Variants in ARNT observed in about 807,000 individuals in gnomAD.
ARNT encodes the protein aryl hydrocarbon receptor nuclear translocator.
A neutral mutation model predicts 105.0 loss-of-function variants in ARNT; 30 were observed. The observed-to-expected ratio is 0.29, with a 90% CI of 0.21 to 0.39. The LOEUF is 0.39. Among genes scored for constraint, ARNT ranks in the 10% least tolerant of loss-of-function variants. ARNT has a pLI of 1.00. For missense variants in ARNT, 748 were observed against 978.7 expected (o/e 0.76, Z 3.15); for synonymous variants, 304 against 344.0 (o/e 0.88, Z 1.29).
Position 150,817,434 on chromosome 1 carries a change from CTA to C in ARNT, c.1506-3_1506-2del, listed in dbSNP as rs769682764. On this transcript the variant is annotated splice_acceptor_variant and splice_polypyrimidine_tract_variant and intron_variant, in intron 15 of 21. Coordinates refer to ENST00000358595, the MANE Select transcript of ARNT (RefSeq NM_001668.4). LOFTEE classifies it high-confidence loss of function. ...CAATTCTGTTTGCTGTTGCTGCTGC[CTA>C]TATGTCAAAGGCCAGTTGACAAGAC... is the stretch of plus-strand genomic sequence containing the variant. 49 of 1,613,782 alleles carry C rather than the reference CTA, an allele frequency of 3.0e-5. No homozygotes were observed. The highest frequency in any genetic ancestry group is 4.1e-5 in the Non-Finnish European group (48 of 1,179,976).
intron 1 of ARNT, among the ~76,000 whole-genome samples, chr1:150,868,486 T>A (rs1666952820): frequency 6.6e-6 from 1 of 152,154 alleles, no homozygotes; most frequent in Non-Finnish European, 1.5e-5. Context: ...TTATGGAGTA[T>A]CAAGAACTTG....
At chr1:150,815,149 C>G (rs1479194846) in intron 19 of ARNT, among the ~76,000 whole-genome samples, 1 of 151,958 alleles carries the variant, frequency 6.6e-6, no homozygotes, top group East Asian at 1.9e-4. Context: ...TTGGTTTTGA[C>G]TTTTTAAAAC....
chr1:150,876,489 T>A (rs1668285396), intron 1 of ARNT, 54 bp downstream of exon 1: 1 of 1,545,760 alleles, frequency 6.5e-7, no homozygotes, highest in African/African-American at 1.4e-5. Context: ...TCCTTAGTTG[T>A]CAGCCCCTTC....
At chr1:150,819,841 A>T (rs1038571449) in intron 14 of ARNT, among the ~76,000 whole-genome samples, 4 of 152,208 alleles carry the variant, frequency 2.6e-5, no homozygotes, top group African/African-American at 9.6e-5. Flanking sequence ...TTCTGAAATT[A>T]GACTGCAGTA....
At chr1:150,842,566 G>A in intron 4 of ARNT, 98 bp from the exon 5 acceptor site, 2 of 912,046 alleles carry the variant, frequency 2.2e-6, no homozygotes, top group Non-Finnish European at 3.4e-6. Context: ...GGAGGGAGAG[G>A]AAATGGAGGG....
intron 6 of ARNT, among the ~76,000 whole-genome samples, chr1:150,837,167 T>C (rs1422542501): frequency 1.3e-5 from 2 of 152,170 alleles, no homozygotes; most frequent in African/African-American, 2.4e-5. Flanking sequence ...CCACTTTCTC[T>C]CTTTCCCTTC....
chr1:150,847,489 C>T (rs946718458), intron 3 of ARNT, among the ~76,000 whole-genome samples: 1 of 147,790 alleles, frequency 6.8e-6, no homozygotes, highest in Non-Finnish European at 1.5e-5. Flanking sequence ...TCAGGCACAA[C>T]AACCCGACTT....
intron 1 of ARNT, chr1:150,861,182 C>A: frequency 3.8e-6 from 1 of 260,760 alleles, no homozygotes; most frequent in East Asian, 1.2e-4. Flanking sequence ...GGCGTAACAG[C>A]AATAGAAAAC....
rs587745673 is a variant in ARNT at position 150,826,424 on chromosome 1, T to C, written c.1242+119A>G. Reference sequence around the variant, plus strand: ...TTTTCTATTCCTTAAAAATGCAGATTAACTACTAAAGAACATAAAACTGTA... The same window carrying C: ...TTTTCTATTCCTTAAAAATGCAGATCAACTACTAAAGAACATAAAACTGTA... On this transcript the variant is annotated intron_variant, in intron 13 of 21. Transcript: ENST00000358595. 6.7e-6 allele frequency: 5 copies of C among 745,084 alleles called. No individual in the cohort carries two copies. The East Asian group carries it at 1.0e-4, about 15-fold the overall frequency. 46.2% of individuals were successfully genotyped at this position (745,084 alleles called of 1,614,324 possible).
chr1:150,849,965 T>G (rs1047365415), intron 3 of ARNT, among the ~76,000 whole-genome samples: 1 of 151,736 alleles, frequency 6.6e-6, no homozygotes, highest in African/African-American at 2.4e-5. Context: ...GGCACTAGAA[T>G]CGCTTGAACC....
At chr1:150,863,884 G>A (rs1666089283) in intron 1 of ARNT, among the ~76,000 whole-genome samples, 1 of 152,018 alleles carries the variant, frequency 6.6e-6, no homozygotes, top group Non-Finnish European at 1.5e-5. Context: ...AAGTCTAAAG[G>A]GAGATATGAA....
At chr1:150,871,593 G>A (rs1667443728) in intron 1 of ARNT, among the ~76,000 whole-genome samples, 1 of 149,104 alleles carries the variant, frequency 6.7e-6, no homozygotes, top group Admixed American at 6.7e-5. Flanking sequence ...GAGCCACCAT[G>A]CCCGGCCAAG....
At chr1:150,831,631 T>C (rs1398281791) in intron 10 of ARNT, 187 bp downstream of exon 10, 2 of 543,968 alleles carry the variant, frequency 3.7e-6, no homozygotes, top group Admixed American at 7.5e-5. Flanking sequence ...CTGAGTTATC[T>C]ATCTCCTCAA....
intron 1 of ARNT, among the ~76,000 whole-genome samples, chr1:150,860,789 G>T (rs749033952): frequency 7.1e-4 from 108 of 151,770 alleles, no homozygotes; most frequent in Non-Finnish European, 1.2e-3. Context: ...CCCAGGAGGC[G>T]GAGACTGCAG....
Position 150,810,395 on chromosome 1 carries a change from T to G in ARNT, c.*1626A>C, listed in dbSNP as rs1654514803. On this transcript the variant is annotated 3_prime_UTR_variant, in exon 22 of 22. Coordinates refer to ENST00000358595, the MANE Select transcript of ARNT (RefSeq NM_001668.4). ...AACTCAACTTTTTGGTTTCGTAAAT[T>G]GTGATATAAATATATATGTATACTG... 4.5e-6 allele frequency: 1 copy of G among 223,036 alleles called. No homozygotes were observed. The highest frequency in any genetic ancestry group is 5.7e-5 in the Admixed American group (1 of 17,410). 13.8% of individuals were successfully genotyped at this position (223,036 alleles called of 1,614,324 possible). A position where few individuals can be genotyped will look rare whatever the true frequency, so the allele number is the denominator to read the frequency against.
chr1:150,834,778 G>T, intron 7 of ARNT, 138 bp from the exon 8 acceptor site: 1 of 600,882 alleles, frequency 1.7e-6, no homozygotes, highest in Non-Finnish European at 2.8e-6. Context: ...TGACCAAGCA[G>T]GAGATGAATT....
intron 4 of ARNT, among the ~76,000 whole-genome samples, chr1:150,843,341 C>T (rs754467339): frequency 2.0e-5 from 3 of 152,062 alleles, no homozygotes; most frequent in Non-Finnish European, 4.4e-5. Flanking sequence ...AGGAATGTGT[C>T]AATTCCATTT....
intron 1 of ARNT, among the ~76,000 whole-genome samples, chr1:150,870,916 C>T (rs927759389): frequency 5.9e-5 from 9 of 151,468 alleles, no homozygotes; most frequent in South Asian, 4.2e-4. Flanking sequence ...CCTGTAACCC[C>T]GGCACTCTGG....
chr1:150,867,050 A>T (rs1666702746), intron 1 of ARNT, among the ~76,000 whole-genome samples: 1 of 151,916 alleles, frequency 6.6e-6, no homozygotes, highest in Non-Finnish European at 1.5e-5. Context: ...TACTAAAGAT[A>T]CAAAAAATTA....
Sources: gnomAD v4.1 joint callset for allele counts (sites outside exome capture counted in the v4.1 genomes callset) on GRCh38, gnomAD v4.1.1 for gene constraint, MANE v1.5 for transcripts, NCBI Gene and HGNC (gene_info 2026-07-23, HGNC 2026-07-21) for gene names.